The following CADPS2 variants were observed in gnomAD, a reference collection of about 807,000 sequenced individuals.
CADPS2 encodes the protein calcium-dependent secretion activator 2.
In CADPS2, 93 loss-of-function variants were observed where a neutral mutation model predicts 172.5. That is an observed-to-expected ratio of 0.54 (90% CI 0.46 to 0.64). The LOEUF (loss-of-function observed/expected upper bound fraction) is 0.64. Ranked by LOEUF, CADPS2 falls within the 30% of genes least tolerant of loss-of-function variation. CADPS2 has a pLI of 0.00. For missense variants in CADPS2, 1,420 were observed against 1,565.9 expected (o/e 0.91, Z 1.57); for synonymous variants, 546 against 555.2 (o/e 0.98, Z 0.23).
intron 19 of CADPS2, 33 bp from the exon 20 acceptor site, chr7:122,407,729 TA>T: frequency 6.4e-7 from 1 of 1,568,868 alleles, no homozygotes; most frequent in Non-Finnish European, 8.7e-7. Flanking sequence ...AGGAGAAAAG[TA>T]GATTACTTTT....
At chr7:122,632,286 T>C (rs931790827) in intron 3 of CADPS2, among the ~76,000 whole-genome samples, 1 of 152,212 alleles carries the variant, frequency 6.6e-6, no homozygotes, top group Non-Finnish European at 1.5e-5. Flanking sequence ...TTTAAACTAC[T>C]TTCTATAGTG....
rs184553986 is a variant in CADPS2 at position 122,835,856 on chromosome 7, A to C, written c.339+50143T>G. The stretch of plus-strand genomic sequence containing the variant: ...TGGAACCAAGTTGGAAAACACTCTG[A>C]AGGATATTATCCGGGAGAACTTCCC... On this transcript the variant is annotated intron_variant, in intron 1 of 29. Transcript: ENST00000449022. 1.6e-4 allele frequency among the ~76,000 whole-genome samples: 24 copies of C among 152,320 alleles called. No individual in the cohort carries two copies. In the East Asian group the frequency reaches 2.9e-3, roughly 18 times the overall value.
At chr7:122,383,417 T>A (rs997623221) in intron 24 of CADPS2, among the ~76,000 whole-genome samples, 2 of 152,040 alleles carry the variant, frequency 1.3e-5, no homozygotes, top group Admixed American at 1.3e-4. Flanking sequence ...AAACTACACA[T>A]GTACCCCCAT....
At chr7:122,447,543 AT>A (rs1159112244) in intron 15 of CADPS2, among the ~76,000 whole-genome samples, 2,286 of 89,374 alleles carry the variant, frequency 0.026, 38 homozygotes, top group Non-Finnish European at 0.038. Flanking sequence ...GTTTCGGGGA[AT>A]TTTTTTTTTT....
intron 7 of CADPS2, among the ~76,000 whole-genome samples, chr7:122,563,472 G>A (rs1392313921): frequency 6.6e-6 from 1 of 152,016 alleles, no homozygotes; most frequent in East Asian, 1.9e-4. Flanking sequence ...TGTAAACTTG[G>A]CACTGAAGTT....
chr7:122,335,416 T>A (rs182267126), intron 28 of CADPS2, among the ~76,000 whole-genome samples: 1 of 152,234 alleles, frequency 6.6e-6, no homozygotes, highest in Admixed American at 6.5e-5. Flanking sequence ...ACCCGGCTAC[T>A]TTTTGTATTT....
In CADPS2 at chr7:122,612,997, A is replaced by C. The variant is rs543987920; in HGVS notation, c.1223+2184T>G. Among the ~76,000 whole-genome samples the C allele has an allele frequency of 7.2e-4, 110 of 152,232 alleles. No individual in the cohort carries two copies. The Middle Eastern group carries it at 0.02, about 28-fold the overall frequency. On this transcript the variant is annotated intron_variant, in intron 6 of 29. Coordinates refer to ENST00000449022, the MANE Select transcript of CADPS2 (RefSeq NM_017954.11). Reference sequence around the variant, plus strand: ...TGGGACAACTGAATAGTTCCATGTAAAAGAAGGAAGCTGGACTCTTACATT... The same window carrying C: ...TGGGACAACTGAATAGTTCCATGTACAAGAAGGAAGCTGGACTCTTACATT...
At chr7:122,787,331 G>A (rs1023275901) in intron 1 of CADPS2, among the ~76,000 whole-genome samples, 6 of 152,214 alleles carry the variant, frequency 3.9e-5, no homozygotes, top group Admixed American at 1.3e-4. Context: ...GTATTCCTTG[G>A]AGAATTCAGA....
chr7:122,790,036 T>G (rs1325194941), intron 1 of CADPS2, among the ~76,000 whole-genome samples: 3 of 151,100 alleles, frequency 2.0e-5, no homozygotes, highest in African/African-American at 4.9e-5. Flanking sequence ...GTGTTTTTTT[T>G]TTTTTTTTTT....
chr7:122,618,228 C>T (rs1251965039), intron 5 of CADPS2, among the ~76,000 whole-genome samples: 3 of 152,036 alleles, frequency 2.0e-5, no homozygotes, highest in African/African-American at 7.2e-5. Flanking sequence ...AACAGAGATA[C>T]CTAAAAGTAA....
chr7:122,554,992 C>A (rs1202675521), intron 7 of CADPS2, among the ~76,000 whole-genome samples: 1 of 151,992 alleles, frequency 6.6e-6, no homozygotes, highest in Admixed American at 6.6e-5. Flanking sequence ...TCAAGAGACA[C>A]CCATAATTTC....
At chr7:122,645,681 A>ATATATATCTCTC (rs796988558) in intron 3 of CADPS2, among the ~76,000 whole-genome samples, 15 of 116,832 alleles carry the variant, frequency 1.3e-4, no homozygotes, top group East Asian at 8.6e-4. Flanking sequence ...ATATATATAT[A>ATATATATCTCTC]TCTTGGGATT....
intron 2 of CADPS2, among the ~76,000 whole-genome samples, chr7:122,691,351 A>G (rs536369787): frequency 6.6e-6 from 1 of 152,352 alleles, no homozygotes; most frequent in Non-Finnish European, 1.5e-5. Context: ...GCTCCCTTCC[A>G]CAGCTAGGAC....
chr7:122,382,995 A>G (rs1316819844), intron 24 of CADPS2, among the ~76,000 whole-genome samples: 1 of 151,966 alleles, frequency 6.6e-6, no homozygotes, highest in Non-Finnish European at 1.5e-5. Context: ...AACCAAACAA[A>G]CGAAAACAAA....
intron 1 of CADPS2, among the ~76,000 whole-genome samples, chr7:122,740,829 T>C (rs1001800097): frequency 2.0e-5 from 3 of 151,894 alleles, no homozygotes; most frequent in African/African-American, 7.3e-5. Flanking sequence ...ACATCATAAA[T>C]AAACCAACAG....
intron 27 of CADPS2, among the ~76,000 whole-genome samples, chr7:122,358,718 T>A (rs998253923): frequency 1.3e-5 from 2 of 152,092 alleles, no homozygotes; most frequent in South Asian, 2.1e-4. Context: ...TAAAAAAGAA[T>A]AACGGCCAAC....
chr7:122,513,401 T>C, intron 8 of CADPS2, 86 bp from the exon 9 acceptor site: 1 of 1,101,922 alleles, frequency 9.1e-7, no homozygotes, highest in Non-Finnish European at 1.3e-6. Flanking sequence ...TAGGTATTTA[T>C]TTTTGAGACC....
At chr7:122,774,267 T>TACACAC (rs1204089273) in intron 1 of CADPS2, among the ~76,000 whole-genome samples, 2 of 119,576 alleles carry the variant, frequency 1.7e-5, no homozygotes, top group South Asian at 2.8e-4. Context: ...CATAGATAGA[T>TACACAC]ATACACACAC....
At chr7:122,825,372 C>T (rs1259873050) in intron 1 of CADPS2, among the ~76,000 whole-genome samples, 1 of 152,132 alleles carries the variant, frequency 6.6e-6, no homozygotes, top group Non-Finnish European at 1.5e-5. Flanking sequence ...ATCTCTCATA[C>T]AGAGTGATCT....
Sources: gnomAD v4.1 joint callset for allele counts (sites outside exome capture counted in the v4.1 genomes callset) on GRCh38, gnomAD v4.1.1 for gene constraint, MANE v1.5 for transcripts, NCBI Gene and HGNC (gene_info 2026-07-23, HGNC 2026-07-21) for gene names.